Variants in MACROD1 observed in about 807,000 individuals in gnomAD.
The protein encoded by MACROD1 is ADP-ribose glycohydrolase MACROD1.
Under a neutral mutation model 41.4 loss-of-function variants are expected in MACROD1, and 31 were observed. The observed-to-expected ratio is 0.75, with a 90% CI of 0.56 to 1.01. The LOEUF (loss-of-function observed/expected upper bound fraction) is 1.01, where lower values mean the gene tolerates loss of function less well. Ranked by LOEUF, MACROD1 falls within the 50% of genes least tolerant of loss-of-function variation. The pLI is 0.00. For synonymous variants in MACROD1, 252 were observed against 203.4 expected (o/e 1.24, Z -2.03); for missense variants, 473 against 460.0 (o/e 1.03, Z -0.26).
At chr11:64,052,253 T>G (rs1382555832) in intron 3 of MACROD1, among the ~76,000 whole-genome samples, 1 of 151,512 alleles carries the variant, frequency 6.6e-6, no homozygotes, top group African/African-American at 2.4e-5. Flanking sequence ...ATTGTCGGGG[T>G]GGGGGAAAAA....
At chr11:64,127,519 G>A (rs1226006654) in intron 3 of MACROD1, among the ~76,000 whole-genome samples, 2 of 152,146 alleles carry the variant, frequency 1.3e-5, no homozygotes, top group Non-Finnish European at 2.9e-5. Flanking sequence ...GCGGTGACCC[G>A]GCAGGATGGA....
chr11:64,053,581 A>G (rs573315147), intron 3 of MACROD1, among the ~76,000 whole-genome samples: 2 of 152,256 alleles, frequency 1.3e-5, no homozygotes, highest in African/African-American at 4.8e-5. Context: ...CACAAGGGCC[A>G]GAGTGGGAGC....
At chr11:64,041,134 G>A (rs1355238696) in intron 3 of MACROD1, among the ~76,000 whole-genome samples, 2 of 127,390 alleles carry the variant, frequency 1.6e-5, no homozygotes, top group African/African-American at 3.0e-5. Flanking sequence ...TTTTTTTCAC[G>A]CCCCTTTCCC....
intron 4 of MACROD1, chr11:64,009,122 T>C (rs757955732): frequency 3.3e-5 from 5 of 152,192 alleles, no homozygotes; most frequent in African/African-American, 4.8e-5. Context: ...CGGCTCCTTA[T>C]CTCCGAGTAA....
At chr11:64,033,842 C>A (rs1244685844) in intron 3 of MACROD1, among the ~76,000 whole-genome samples, 1 of 151,894 alleles carries the variant, frequency 6.6e-6, no homozygotes, top group Non-Finnish European at 1.5e-5. Context: ...ACGCCGCCCC[C>A]CCAAAAAAAT....
chr11:64,103,388 A>G (rs1944705129), intron 3 of MACROD1: 1 of 152,200 alleles, frequency 6.6e-6, no homozygotes, highest in South Asian at 2.1e-4. Flanking sequence ...CTGACAGCTC[A>G]GCTGCATGTG....
chr11:64,058,992 G>A (rs1375718447), intron 3 of MACROD1, among the ~76,000 whole-genome samples: 1 of 152,146 alleles, frequency 6.6e-6, no homozygotes, highest in Non-Finnish European at 1.5e-5. Flanking sequence ...TTCAAAACAG[G>A]GGCTCACTGT....
chr11:64,007,259 C>G (rs1385741938), intron 4 of MACROD1, among the ~76,000 whole-genome samples: 1 of 152,172 alleles, frequency 6.6e-6, no homozygotes, highest in Non-Finnish European at 1.5e-5. Context: ...CGCAGCAGTT[C>G]TAGGGACGGG....
chr11:64,065,883 A>G (rs1043502169), intron 3 of MACROD1, among the ~76,000 whole-genome samples: 3 of 151,920 alleles, frequency 2.0e-5, no homozygotes, highest in African/African-American at 7.3e-5. Flanking sequence ...CATTCACCCC[A>G]GTGCAGAGTG....
At chr11:64,037,917 T>C (rs561874596) in intron 3 of MACROD1, among the ~76,000 whole-genome samples, 3 of 152,242 alleles carry the variant, frequency 2.0e-5, no homozygotes, top group Non-Finnish European at 4.4e-5. Flanking sequence ...GGGTGCTGCT[T>C]TGTAAGTGCA....
rs1945071806 is a variant in MACROD1, at chr11:64,120,075, A to C, written c.517+31164T>G. Among the ~76,000 whole-genome samples the C allele has an allele frequency of 6.6e-6, 1 of 152,226 alleles. No homozygotes were observed. The highest frequency in any genetic ancestry group is 6.5e-5 in the Admixed American group (1 of 15,284). ...TCAAACGGCCTCCACCACCGTGCGA[A>C]AAGCAAAGGCAGAAGCAGCAGCGGG... On this transcript the variant is annotated intron_variant, in intron 3 of 10. Transcript: ENST00000255681. The surrounding 1 kb of genome is among the most constrained non-coding windows in gnomAD (Gnocchi z 4.5).
intron 3 of MACROD1, among the ~76,000 whole-genome samples, chr11:64,019,194 TGGCCC>T (rs1217110484): frequency 1.3e-5 from 2 of 152,156 alleles, no homozygotes; most frequent in Non-Finnish European, 2.9e-5. Context: ...CAGGCCGAGG[TGGCCC>T]GGCCCCATCG....
intron 3 of MACROD1, among the ~76,000 whole-genome samples, chr11:64,037,915 C>T (rs1164711791): frequency 6.6e-6 from 1 of 152,206 alleles, no homozygotes; most frequent in African/African-American, 2.4e-5. Context: ...CAGGGTGCTG[C>T]TTTGTAAGTG....
chr11:64,096,668 C>T lies in MACROD1; in HGVS notation c.517+54571G>A, dbSNP rs1944581813. On this transcript the variant is annotated intron_variant, in intron 3 of 10. Transcript: ENST00000255681. The surrounding 1 kb of genome is among the most constrained non-coding windows in gnomAD (Gnocchi z 4.6). The stretch of plus-strand genomic sequence containing the variant: ...CTGACCTCAAGTTATCCGCCTGCCT[C>T]AGCCTCCCAAAGTGCTGGGATTACA... 6.6e-6 allele frequency among the ~76,000 whole-genome samples: 1 copy of T among 152,190 alleles called. No homozygotes were observed. The highest frequency in any genetic ancestry group is 1.5e-5 in the Non-Finnish European group (1 of 68,030).
intron 3 of MACROD1, among the ~76,000 whole-genome samples, chr11:64,073,952 C>G (rs1435908483): frequency 6.6e-6 from 1 of 152,074 alleles, no homozygotes; most frequent in Non-Finnish European, 1.5e-5. Flanking sequence ...GGCTGGGGCC[C>G]TGAGCCCCCA....
In MACROD1 at chr11:63,999,043, C is replaced by A. The variant is rs1302728199; in HGVS notation, c.892-7G>T. On this transcript the variant is annotated splice_polypyrimidine_tract_variant and splice_region_variant and intron_variant, in intron 8 of 10. Coordinates refer to ENST00000255681, the MANE Select transcript of MACROD1 (RefSeq NM_014067.4). ...AGATGATCAGCCGGTCCACCTGCGC[C>A]AGGGGCTGCTCAGCCTGGGCCGAGC... 1 of 1,599,212 alleles carries A rather than the reference C, an allele frequency of 6.3e-7. No homozygotes were observed. The highest frequency in any genetic ancestry group is 1.1e-5 in the South Asian group (1 of 89,030).
intron 3 of MACROD1, among the ~76,000 whole-genome samples, chr11:64,138,248 G>C (rs568690439): frequency 1.1e-3 from 171 of 152,288 alleles, no homozygotes; most frequent in African/African-American, 3.9e-3. Flanking sequence ...CCGAGGCCAG[G>C]GAGGCCCTGA....
intron 3 of MACROD1, among the ~76,000 whole-genome samples, chr11:64,063,445 G>A (rs1435574605): frequency 6.6e-6 from 1 of 152,120 alleles, no homozygotes; most frequent in African/African-American, 2.4e-5. Context: ...ACTTCCAGGG[G>A]TGGCGAATTG....
intron 3 of MACROD1, among the ~76,000 whole-genome samples, chr11:64,030,915 T>C (rs898050272): frequency 7.2e-6 from 1 of 139,116 alleles, no homozygotes; most frequent in East Asian, 2.1e-4. Context: ...GGGTGGGTGG[T>C]GGGGATGTGG....
Sources: allele counts gnomAD v4.1 joint callset (sites outside exome capture counted in the v4.1 genomes callset), GRCh38; gene constraint gnomAD v4.1.1; non-coding constraint Gnocchi (gnomAD v3.1); transcripts MANE v1.5; gene names NCBI Gene and HGNC (gene_info 2026-07-23, HGNC 2026-07-21).